WDR70: variants seen among roughly 807,000 people sequenced by gnomAD.
WDR70 encodes WD repeat domain 70, also known as WD repeat-containing protein 70.
A neutral mutation model predicts 88.6 loss-of-function variants in WDR70; 53 were observed. The ratio of observed to expected loss-of-function variants is 0.60; its 90% CI spans 0.48 to 0.75. The LOEUF (loss-of-function observed/expected upper bound fraction) is 0.75. Among genes scored for constraint, WDR70 ranks in the 30% least tolerant of loss-of-function variants. The probability of loss-of-function intolerance (pLI) is 0.00; values close to 1 mark genes in which losing one functional copy is unlikely to be tolerated. For missense variants in WDR70, 610 were observed against 823.2 expected (o/e 0.74, Z 3.17); for synonymous variants, 280 against 270.0 (o/e 1.04, Z -0.36).
At chr5:37,415,737 G>T (rs1166102301) in intron 5 of WDR70, among the ~76,000 whole-genome samples, 28 of 149,728 alleles carry the variant, frequency 1.9e-4, no homozygotes, top group African/African-American at 6.6e-4. Flanking sequence ...AGGTGGAGGG[G>T]CTCCTCACTT....
chr5:37,715,193 A>G (rs1747620427), intron 13 of WDR70, among the ~76,000 whole-genome samples: 1 of 152,156 alleles, frequency 6.6e-6, no homozygotes, highest in African/African-American at 2.4e-5. Context: ...GCAAAGCAAC[A>G]CTTTCCCTTA....
chr5:37,551,282 G>A (rs950708538), intron 9 of WDR70, among the ~76,000 whole-genome samples: 4 of 151,400 alleles, frequency 2.6e-5, no homozygotes, highest in East Asian at 2.0e-4. Flanking sequence ...TCCAGCCTGG[G>A]CAACAGGAGT....
intron 9 of WDR70, among the ~76,000 whole-genome samples, chr5:37,528,564 C>A (rs1032946863): frequency 1.3e-5 from 2 of 151,952 alleles, no homozygotes; most frequent in Non-Finnish European, 2.9e-5. Context: ...ACCAACATGG[C>A]ACATGTAAAC....
intron 10 of WDR70, among the ~76,000 whole-genome samples, chr5:37,668,654 G>T (rs114294398): frequency 3.9e-5 from 6 of 152,154 alleles, no homozygotes; most frequent in African/African-American, 1.4e-4. Flanking sequence ...ATTCCAGAGC[G>T]GTGGCATCAT....
rs543249896 is a variant in WDR70, at chr5:37,745,660, C to A, written c.1878-6826C>A. On this transcript the variant is annotated intron_variant, in intron 17 of 17. Transcript: ENST00000265107. ...TCTGACAAAGCAGACTTTAAACCAACAAAGATCAAAAAAGGCAAAGAAGGG... is the reference window on the plus strand; with the variant it reads ...TCTGACAAAGCAGACTTTAAACCAAAAAAGATCAAAAAAGGCAAAGAAGGG... Among the ~76,000 whole-genome samples the A allele has an allele frequency of 3.0e-4, 45 of 151,478 alleles. 2 individuals are homozygous for A. The South Asian group carries it at 9.2e-3, about 31-fold the overall frequency.
At chr5:37,728,394 C>G (rs1421384049) in intron 17 of WDR70, among the ~76,000 whole-genome samples, 1 of 151,124 alleles carries the variant, frequency 6.6e-6, no homozygotes. Flanking sequence ...AAACTATAGA[C>G]CTTAGTTAGT....
chr5:37,389,624 A>G (rs966332077), intron 3 of WDR70, among the ~76,000 whole-genome samples: 10 of 152,068 alleles, frequency 6.6e-5, no homozygotes, highest in Non-Finnish European at 1.3e-4. Context: ...GTGTTCGCCA[A>G]GATGGTCTCA....
chr5:37,742,614 G>C (rs1748517766), intron 17 of WDR70, among the ~76,000 whole-genome samples: 1 of 152,024 alleles, frequency 6.6e-6, no homozygotes, highest in African/African-American at 2.4e-5. Flanking sequence ...TTATTCTTCT[G>C]TTGTCTGTGC....
chr5:37,519,275 C>G (rs1256586959), intron 9 of WDR70, among the ~76,000 whole-genome samples: 3 of 150,704 alleles, frequency 2.0e-5, no homozygotes, highest in Admixed American at 1.3e-4. Flanking sequence ...GACGGGGTGG[C>G]TGGGCAGAGG....
At chr5:37,505,578 A>T in intron 8 of WDR70, 2 of 673,514 alleles carry the variant, frequency 3.0e-6, no homozygotes, top group East Asian at 2.6e-5. Context: ...AATGTTTTTT[A>T]AAAATTTCCT....
chr5:37,446,761 C>T (rs1738494138), intron 7 of WDR70, among the ~76,000 whole-genome samples: 1 of 152,172 alleles, frequency 6.6e-6, no homozygotes, highest in African/African-American at 2.4e-5. Flanking sequence ...AACTGGATCC[C>T]TTCCTTATAC....
intron 7 of WDR70, among the ~76,000 whole-genome samples, chr5:37,463,391 T>C (rs144216563): frequency 1.2e-3 from 175 of 152,112 alleles, no homozygotes; most frequent in African/African-American, 4.1e-3. Context: ...CCAGTGCACT[T>C]TTCACTACAG....
chr5:37,589,571 C>T (rs139395501), intron 9 of WDR70, among the ~76,000 whole-genome samples: 1 of 152,022 alleles, frequency 6.6e-6, no homozygotes, highest in East Asian at 1.9e-4. Context: ...TTTCTTGCTG[C>T]TTATTTATTT....
In WDR70 at chr5:37,516,610, C is replaced by T. The variant is rs371844901; in HGVS notation, c.917+20C>T. 2.6e-6 allele frequency: 4 copies of T among 1,510,332 alleles called. No homozygotes were observed. Among genetic ancestry groups the T allele is most frequent in the African/African-American group, 1.4e-5 (1 of 72,850 alleles). 93.6% of individuals were successfully genotyped at this position (1,510,332 alleles called of 1,614,324 possible). A position where few individuals can be genotyped will look rare whatever the true frequency, so the allele number is the denominator to read the frequency against. On this transcript the variant is annotated intron_variant, in intron 9 of 17. Coordinates refer to ENST00000265107, the MANE Select transcript of WDR70 (RefSeq NM_018034.4). Reference sequence around the variant, plus strand: ...TGATGCGTGAGTATTGTTGATAATTCATCTAATACATTCATATCTTTAGGT... The same window carrying T: ...TGATGCGTGAGTATTGTTGATAATTTATCTAATACATTCATATCTTTAGGT...
At chr5:37,725,137 C>T (rs1472428842) in intron 16 of WDR70, 87 bp downstream of exon 16, 1 of 1,052,078 alleles carries the variant, frequency 9.5e-7, no homozygotes, top group Non-Finnish European at 1.4e-6. Context: ...TCTTTTGGGC[C>T]TGGATGCTTC....
intron 3 of WDR70, among the ~76,000 whole-genome samples, chr5:37,390,528 G>A (rs1418978545): frequency 6.6e-6 from 1 of 151,676 alleles, no homozygotes; most frequent in East Asian, 1.9e-4. Flanking sequence ...TTTTAGTAGA[G>A]ACGGGGTTTC....
chr5:37,470,335 T>C (rs1417360689), intron 7 of WDR70, among the ~76,000 whole-genome samples: 2 of 152,130 alleles, frequency 1.3e-5, no homozygotes, highest in Non-Finnish European at 2.9e-5. Flanking sequence ...CAGATGTCTC[T>C]AATTTTTATA....
At chr5:37,703,194 A>T in intron 13 of WDR70, 107 bp downstream of exon 13, 1 of 1,361,198 alleles carries the variant, frequency 7.3e-7, no homozygotes, top group Non-Finnish European at 1.0e-6. Flanking sequence ...CCCTTAGAGC[A>T]CGGTGATAGC....
chr5:37,519,848 C>G (rs1364779647), intron 9 of WDR70, among the ~76,000 whole-genome samples: 1 of 152,234 alleles, frequency 6.6e-6, no homozygotes, highest in Non-Finnish European at 1.5e-5. Flanking sequence ...TGAGGACCCT[C>G]CAAACTGTTC....
Sources: gnomAD v4.1 joint callset for allele counts (sites outside exome capture counted in the v4.1 genomes callset) on GRCh38, gnomAD v4.1.1 for gene constraint, MANE v1.5 for transcripts, NCBI Gene and HGNC (gene_info 2026-07-23, HGNC 2026-07-21) for gene names.